MED25: variants seen among roughly 807,000 people sequenced by gnomAD.
The protein encoded by MED25 is mediator complex subunit 25.
MED25 carries 62 observed loss-of-function variants against 89.4 expected under a neutral mutation model. That is an observed-to-expected ratio of 0.69 (90% CI 0.57 to 0.86). The LOEUF (loss-of-function observed/expected upper bound fraction) is 0.86. MED25 is among the 40% of genes least tolerant of loss of function. MED25 has a pLI of 0.00. For missense variants in MED25, 905 were observed against 1,005.2 expected, an observed-to-expected ratio of 0.90 and a Z score of 1.35; for synonymous variants, 449 against 427.9, an observed-to-expected ratio of 1.05 and a Z score of -0.61.
At chr19:49,833,020 T>G (rs549742976) in intron 13 of MED25, 1 of 161,288 alleles carries the variant, frequency 6.2e-6, no homozygotes, top group South Asian at 1.6e-4. Flanking sequence ...CCCATTTTCC[T>G]GACCTCATCT....
chr19:49,829,787 G>A lies in MED25; in HGVS notation c.527G>A (p.Arg176Gln), dbSNP rs1364981975. The change falls in exon 6 of 18, where the codon CGG (arginine) becomes CAG (glutamine). Residue 176 changes from arginine to glutamine, a missense_variant and splice_region_variant. Arg to Gln is a conservative substitution (Grantham distance 43). Coordinates refer to ENST00000312865, the MANE Select transcript of MED25 (RefSeq NM_030973.4). The surrounding 1 kb of genome is among the most constrained non-coding windows in gnomAD (Gnocchi z 4.6). ...GACTGCTCGGCCCCTCTCCTACAGCGGGGGATCCACTTCTCCATTGTGTCT... is the reference window on the plus strand; with the variant it reads ...GACTGCTCGGCCCCTCTCCTACAGCAGGGGATCCACTTCTCCATTGTGTCT... ...TENLVQQIGERGIHFSIVSPR... is the reference protein window; with the variant it reads ...TENLVQQIGEQGIHFSIVSPR... The A allele has an allele frequency of 4.4e-6, 7 of 1,589,798 alleles. No homozygotes were observed. The highest frequency in any genetic ancestry group is 2.3e-5 in the East Asian group (1 of 43,372).
chr19:49,835,910 C>A lies in MED25; in HGVS notation c.1930C>A (p.Pro644Thr), dbSNP rs768008546. ...TCGGCCCCAGAACCCTGGGGCCAAC[C>A]CTCAGCTGCGAAGCCTCCTCCTCAA... is the stretch of plus-strand genomic sequence containing the variant. ...ILRPQNPGAN[P>T]QLRSLLLNPP... The change falls in exon 16 of 18, where the codon CCT becomes ACT. Residue 644 changes from proline (P) to threonine (T), a missense_variant. Pro to Thr is a conservative substitution (Grantham distance 38). Around this residue, in one of 3 missense-constraint regions of MED25, gnomAD observed 271 missense variants for 258.1 expected, o/e 1.05. Coordinates refer to ENST00000312865, the MANE Select transcript of MED25 (RefSeq NM_030973.4). The surrounding 1 kb of genome is among the most constrained non-coding windows in gnomAD (Gnocchi z 6.2). The A allele has an allele frequency of 6.2e-7, 1 of 1,612,880 alleles. No individual in the cohort carries two copies. Among genetic ancestry groups the A allele is most frequent in the Admixed American group, 1.7e-5 (1 of 60,026 alleles).
rs1259830511 is a variant in MED25, at chr19:49,831,194, C to T, written c.1102-139C>T. Reference sequence around the variant, plus strand: ...CAAGGTCCAAGCATTTGGGGTCCTGCGGCTGGCCAAGTGCTGTTCTGGGGA... The same window carrying T: ...CAAGGTCCAAGCATTTGGGGTCCTGTGGCTGGCCAAGTGCTGTTCTGGGGA... On this transcript the variant is annotated intron_variant, in intron 9 of 17. Coordinates refer to ENST00000312865, the MANE Select transcript of MED25 (RefSeq NM_030973.4). The surrounding 1 kb of genome is among the most constrained non-coding windows in gnomAD (Gnocchi z 5.0). 3.8e-5 allele frequency: 36 copies of T among 949,468 alleles called. No homozygotes were observed. The highest frequency in any genetic ancestry group is 5.5e-5 in the Non-Finnish European group (35 of 640,006). The allele number at this position is 949,468 out of a possible 1,614,324, so 58.8% of individuals were successfully genotyped here.
downstream of MED25, among the ~76,000 whole-genome samples, chr19:49,837,632 GC>G (rs1305304189): frequency 6.6e-6 from 1 of 152,144 alleles, no homozygotes; most frequent in East Asian, 1.9e-4. Context: ...GGTGTCGGGG[GC>G]TGGGGTAGAG....
rs1340362470 is a variant in MED25 at position 49,836,435 on chromosome 19, C to T, written c.2146+29C>T. 5.8e-6 allele frequency: 9 copies of T among 1,563,574 alleles called. No homozygotes were observed. Among genetic ancestry groups the T allele is most frequent in the Non-Finnish European group, 7.8e-6 (9 of 1,153,532 alleles). Reference sequence around the variant, plus strand: ...AGGGGACCCGGGGGAGGGCAGAGGTCTGGACTGAGTGTCCCAGCAGCTCCT... The same window carrying T: ...AGGGGACCCGGGGGAGGGCAGAGGTTTGGACTGAGTGTCCCAGCAGCTCCT... On this transcript the variant is annotated intron_variant, in intron 17 of 17. Coordinates refer to ENST00000312865, the MANE Select transcript of MED25 (RefSeq NM_030973.4). This position sits in a 1 kb window ranked among gnomAD's most constrained non-coding sequence, Gnocchi z 5.1.
Position 49,829,176 on chromosome 19 carries a change from T to C in MED25, c.525+86T>C, listed in dbSNP as rs961940468. ...AGGAGGCACTGAGGGCCTGGACTCC[T>C]GGGTCTGAGGGAGGAGGCACTGGGG... On this transcript the variant is annotated intron_variant, in intron 5 of 17. Transcript: ENST00000312865. This position sits in a 1 kb window ranked among gnomAD's most constrained non-coding sequence, Gnocchi z 4.6. The C allele has an allele frequency of 1.8e-5, 23 of 1,266,034 alleles. No homozygotes were observed. Among genetic ancestry groups the C allele is most frequent in the Non-Finnish European group, 2.5e-5 (22 of 889,860 alleles). The allele number at this position is 1,266,034 out of a possible 1,614,324, so 78.4% of individuals were successfully genotyped here.
chr19:49,836,787 G>A lies in MED25; in HGVS notation c.2147-60G>A, dbSNP rs1164486204. On this transcript the variant is annotated intron_variant, in intron 17 of 17. Coordinates refer to ENST00000312865, the MANE Select transcript of MED25 (RefSeq NM_030973.4). The surrounding 1 kb of genome is among the most constrained non-coding windows in gnomAD (Gnocchi z 5.1). ...GCTGCCTAGAAAACTTAGTGCCTCTGGGCCCTCCTGGGCCCAAGGGCCTAC... is the reference window on the plus strand; with the variant it reads ...GCTGCCTAGAAAACTTAGTGCCTCTAGGCCCTCCTGGGCCCAAGGGCCTAC... The A allele has an allele frequency of 7.6e-7, 1 of 1,319,498 alleles. No individual in the cohort carries two copies. The allele number at this position is 1,319,498 out of a possible 1,614,324, so 81.7% of individuals were successfully genotyped here. A position where few individuals can be genotyped will look rare whatever the true frequency, so the allele number is the denominator to read the frequency against.
At chr19:49,838,050 G>A (rs934597105), downstream of MED25, among the ~76,000 whole-genome samples, 5 of 152,262 alleles carry the variant, frequency 3.3e-5, no homozygotes, top group East Asian at 9.7e-4. Flanking sequence ...GAGGTGGTGA[G>A]TGAGTTGTCT....
Position 49,828,460 on chromosome 19 carries a change from G to T in MED25, c.317G>T (p.Gly106Val), listed in dbSNP as rs1208907242. The change falls in exon 4 of 18, where the codon GGG (glycine) becomes GTG (valine). Residue 106 changes from glycine (G) to valine (V), a missense_variant. Coordinates refer to ENST00000312865, the MANE Select transcript of MED25 (RefSeq NM_030973.4). Reference sequence around the variant, plus strand: ...CTCTGCCCCTGCAGGTTCATGGGCGGGGGTGGTGAGAGCTGCAGCCTCATC... The same window carrying T: ...CTCTGCCCCTGCAGGTTCATGGGCGTGGGTGGTGAGAGCTGCAGCCTCATC... ...TWLDGIKFMGGGGESCSLIAE... is the reference protein window; with the variant it reads ...TWLDGIKFMGVGGESCSLIAE... 1.2e-6 allele frequency: 2 copies of T among 1,613,886 alleles called. No individual in the cohort carries two copies. Among genetic ancestry groups the T allele is most frequent in the Admixed American group, 3.3e-5 (2 of 60,032 alleles).
intron 3 of MED25, among the ~76,000 whole-genome samples, chr19:49,822,610 T>TA (rs1555801507): frequency 6.6e-6 from 1 of 151,354 alleles, no homozygotes; most frequent in Non-Finnish European, 1.5e-5. Context: ...TCTTGGAAGT[T>TA]ACACGTCATG....
Position 49,830,107 on chromosome 19 carries a change from A to G in MED25, c.708A>G (p.Pro236=). 1 of 1,607,602 alleles carries G rather than the reference A, an allele frequency of 6.2e-7. No individual in the cohort carries two copies. The highest frequency in any genetic ancestry group is 8.5e-7 in the Non-Finnish European group (1 of 1,178,070). ...TCTCAGTTGGGGGTGGCTCAGCCCC[A>G]GGCCCCCTCCAGTCAAAGCAGCCAG... ...LVLPVGGGSA[P]GPLQSKQPVP... is the part of the protein sequence containing the mutation. Residue 236 remains proline, a synonymous_variant, in exon 7 of 18, where the codon CCA becomes CCG. Transcript: ENST00000312865. This position sits in a 1 kb window ranked among gnomAD's most constrained non-coding sequence, Gnocchi z 4.6.
intron 3 of MED25, 114 bp downstream of exon 3, chr19:49,819,410 G>A (rs1459228457): frequency 3.3e-6 from 4 of 1,209,638 alleles, no homozygotes; most frequent in Non-Finnish European, 3.5e-6. Flanking sequence ...TGATGGCTTG[G>A]GGTGGTTGGT....
Position 49,828,563 on chromosome 19 carries a change from AC to A in MED25, c.404+19del. ...GCGAGCAGATGTGAGTGCCCCCTCCACCCAGGCCGGGCCGGTCTCTCTCTGC... is the reference window on the plus strand; with the variant it reads ...GCGAGCAGATGTGAGTGCCCCCTCCACCAGGCCGGGCCGGTCTCTCTCTGC... On this transcript the variant is annotated intron_variant, in intron 4 of 17. Coordinates refer to ENST00000312865, the MANE Select transcript of MED25 (RefSeq NM_030973.4). 6.2e-7 allele frequency: 1 copy of A among 1,600,312 alleles called. No individual in the cohort carries two copies. Among genetic ancestry groups the A allele is most frequent in the Non-Finnish European group, 8.6e-7 (1 of 1,167,584 alleles).
In MED25 at chr19:49,830,441, C is replaced by T. The variant is rs1051701784; in HGVS notation, c.820-70C>T. 6.6e-7 allele frequency: 1 copy of T among 1,513,874 alleles called. No individual in the cohort carries two copies. The highest frequency in any genetic ancestry group is 1.4e-5 in the African/African-American group (1 of 72,958). 93.8% of individuals were successfully genotyped at this position (1,513,874 alleles called of 1,614,324 possible). A position where few individuals can be genotyped will look rare whatever the true frequency, so the allele number is the denominator to read the frequency against. On this transcript the variant is annotated intron_variant, in intron 7 of 17. Transcript: ENST00000312865. This position sits in a 1 kb window ranked among gnomAD's most constrained non-coding sequence, Gnocchi z 4.6. ...CTCATGGGGCCATGGGTGGTGTGAC[C>T]TCGTGGGATACCAGGACTGGGGGGC... is the stretch of plus-strand genomic sequence containing the variant.
At position 49,835,469 on chromosome 19, in the gene MED25, C is replaced by T; in HGVS notation, c.1675-65C>T. On this transcript the variant is annotated intron_variant, in intron 14 of 17. Coordinates refer to ENST00000312865, the MANE Select transcript of MED25 (RefSeq NM_030973.4). This position sits in a 1 kb window ranked among gnomAD's most constrained non-coding sequence, Gnocchi z 6.2. ...ACTAGTTCCCCTCAGGGCACAGGCC[C>T]TCCCGCCTCAGATTCAGGATGCCAC... The T allele has an allele frequency of 6.9e-7, 1 of 1,458,770 alleles. No homozygotes were observed. Among genetic ancestry groups the T allele is most frequent in the South Asian group, 1.3e-5 (1 of 74,256 alleles). 90.4% of individuals were successfully genotyped at this position (1,458,770 alleles called of 1,614,324 possible). A position where few individuals can be genotyped will look rare whatever the true frequency, so the allele number is the denominator to read the frequency against.
Position 49,836,004 on chromosome 19 carries a change from C to G in MED25, c.1965+59C>G. ...GATCCTGGCCCTGGTGGTTCTGGTCCTGTTGTCTGGGAGGAGGGAGGTTGA... is the reference window on the plus strand; with the variant it reads ...GATCCTGGCCCTGGTGGTTCTGGTCGTGTTGTCTGGGAGGAGGGAGGTTGA... On this transcript the variant is annotated intron_variant, in intron 16 of 17. Transcript: ENST00000312865. The surrounding 1 kb of genome is among the most constrained non-coding windows in gnomAD (Gnocchi z 5.1). 6.3e-7 allele frequency: 1 copy of G among 1,592,956 alleles called. No individual in the cohort carries two copies. The highest frequency in any genetic ancestry group is 8.5e-7 in the Non-Finnish European group (1 of 1,171,156).
At chr19:49,832,257 C>A in intron 12 of MED25, 51 bp from the exon 13 acceptor site, 2 of 1,524,980 alleles carry the variant, frequency 1.3e-6, no homozygotes, top group Non-Finnish European at 1.8e-6. Context: ...CTCATGTCCC[C>A]GCCTCACTTG....
At chr19:49,818,734 G>C in intron 2 of MED25, 118 bp downstream of exon 2, 1 of 1,002,274 alleles carries the variant, frequency 1.0e-6, no homozygotes, top group South Asian at 1.3e-5. Flanking sequence ...GAGGGGCTGG[G>C]GGTCTGGACT....
chr19:49,829,990 G>C lies in MED25; in HGVS notation c.688+42G>C. On this transcript the variant is annotated intron_variant, in intron 6 of 17. Transcript: ENST00000312865. This position sits in a 1 kb window ranked among gnomAD's most constrained non-coding sequence, Gnocchi z 4.6. ...GTGCGCGGGGATGGGGGCTCGACGT[G>C]TTTCCCCAGCTCCCTCTGACTTGGA... The C allele has an allele frequency of 6.3e-7, 1 of 1,599,922 alleles. No individual in the cohort carries two copies. Among genetic ancestry groups the C allele is most frequent in the South Asian group, 1.1e-5 (1 of 90,668 alleles).
Sources: allele counts gnomAD v4.1 joint callset (sites outside exome capture counted in the v4.1 genomes callset), GRCh38; gene constraint gnomAD v4.1.1; regional missense constraint gnomAD v4.1.1; non-coding constraint Gnocchi (gnomAD v3.1); transcripts MANE v1.5; gene names NCBI Gene and HGNC (gene_info 2026-07-23, HGNC 2026-07-21).